The following MBTD1 variants were observed in gnomAD, a reference collection of about 807,000 sequenced individuals.
The protein encoded by MBTD1 is mbt domain containing 1, also known as MBT domain-containing protein 1.
A neutral mutation model predicts 87.8 loss-of-function variants in MBTD1; 24 were observed. The ratio of observed to expected loss-of-function variants is 0.27; its 90% CI spans 0.20 to 0.38. The LOEUF (loss-of-function observed/expected upper bound fraction) is 0.38. Ranked by LOEUF, MBTD1 falls within the 10% of genes least tolerant of loss-of-function variation. The pLI is 1.00. For missense variants in MBTD1, 436 were observed against 760.2 expected (o/e 0.57, Z 5.02); for synonymous variants, 237 against 248.6 (o/e 0.95, Z 0.44).
chr17:51,259,826 G>T lies in MBTD1; in HGVS notation c.-113+9C>A. On this transcript the variant is annotated intron_variant, in intron 1 of 16. Transcript: ENST00000586178. The stretch of plus-strand genomic sequence containing the variant: ...GGCACACAAAGCGGCTGCCGCGCTC[G>T]GCTCTCACCAGATCCTTTGTGTTTT... 8.1e-7 allele frequency: 1 copy of T among 1,232,262 alleles called. No homozygotes were observed. 76.3% of individuals were successfully genotyped at this position (1,232,262 alleles called of 1,614,324 possible). A position where few individuals can be genotyped will look rare whatever the true frequency, so the allele number is the denominator to read the frequency against.
chr17:51,204,407 T>C (rs2051684008), intron 7 of MBTD1, among the ~76,000 whole-genome samples: 1 of 138,504 alleles, frequency 7.2e-6, no homozygotes, highest in African/African-American at 2.7e-5. Context: ...TAGGCATATA[T>C]ATGTAATTAT....
intron 16 of MBTD1, among the ~76,000 whole-genome samples, chr17:51,182,635 T>C (rs902175347): frequency 2.0e-5 from 3 of 152,142 alleles, no homozygotes; most frequent in African/African-American, 7.2e-5. Flanking sequence ...ACTGCCCAGG[T>C]TGCCCACAAT....
At chr17:51,230,578 G>A (rs532625128) in intron 2 of MBTD1, among the ~76,000 whole-genome samples, 90 of 152,288 alleles carry the variant, frequency 5.9e-4, no homozygotes, top group African/African-American at 2.0e-3. Context: ...AACAATCTCA[G>A]TGAGGTAAGA....
At chr17:51,197,520 CT>C (rs548902033) in intron 12 of MBTD1, among the ~76,000 whole-genome samples, 437 of 138,914 alleles carry the variant, frequency 3.1e-3, no homozygotes, top group Middle Eastern at 3.8e-3. Flanking sequence ...TTTTTCTTTT[CT>C]TTTTTTTTTT....
At chr17:51,187,858 GAA>G (rs1236389302) in intron 16 of MBTD1, among the ~76,000 whole-genome samples, 5 of 74,498 alleles carry the variant, frequency 6.7e-5, no homozygotes, top group African/African-American at 2.5e-4. Context: ...CAAAAAGAAA[GAA>G]AGAAAGAAAA....
rs57226972 is a variant in MBTD1 at position 51,181,021 on chromosome 17, C to CT, written c.1769-328dup. Among the ~76,000 whole-genome samples the CT allele has an allele frequency of 5.5e-3, 675 of 122,722 alleles. 5 individuals carry two copies. The highest frequency in any genetic ancestry group is 0.013 in the African/African-American group (421 of 31,948). The allele number at this position is 122,722 out of a possible 152,430, so 80.5% of individuals were successfully genotyped here. ...TTCTTTCATGGTTCTGAAGTACAATCTTTTTTTTTTTTTTTTTTTGAGATG... is the reference window on the plus strand; with the variant it reads ...TTCTTTCATGGTTCTGAAGTACAATCTTTTTTTTTTTTTTTTTTTTGAGATG... On this transcript the variant is annotated intron_variant, in intron 16 of 16. Coordinates refer to ENST00000586178, the MANE Select transcript of MBTD1 (RefSeq NM_017643.3).
At chr17:51,223,488 A>T (rs2053033906) in intron 3 of MBTD1, among the ~76,000 whole-genome samples, 1 of 151,972 alleles carries the variant, frequency 6.6e-6, no homozygotes, top group Non-Finnish European at 1.5e-5. Context: ...GTGAGTCGAG[A>T]TCTTGCCGCT....
chr17:51,190,750 A>AATAT (rs1555677186), intron 16 of MBTD1, among the ~76,000 whole-genome samples: 2,428 of 39,514 alleles, frequency 0.061, 171 homozygotes, highest in African/African-American at 0.11. Context: ...AAAAAAAAAA[A>AATAT]ATATATATAT....
intron 2 of MBTD1, among the ~76,000 whole-genome samples, chr17:51,227,571 C>T (rs746706642): frequency 6.6e-6 from 1 of 151,646 alleles, no homozygotes; most frequent in Non-Finnish European, 1.5e-5. Flanking sequence ...AAACTCAAAA[C>T]CAAGAACCAC....
At chr17:51,194,894 G>C (rs1227507261) in intron 13 of MBTD1, among the ~76,000 whole-genome samples, 1 of 151,772 alleles carries the variant, frequency 6.6e-6, no homozygotes, top group African/African-American at 2.4e-5. Flanking sequence ...TGTCTTTATT[G>C]GGAAAAAAAG....
At chr17:51,192,175 T>C (rs900406744) in intron 16 of MBTD1, 28 bp downstream of exon 16, 22 of 1,465,560 alleles carry the variant, frequency 1.5e-5, no homozygotes, top group Middle Eastern at 3.5e-4. Flanking sequence ...AATTAGAAAA[T>C]GTATGTGAAC....
chr17:51,180,681 C>T lies in MBTD1; in HGVS notation c.1782G>A (p.Gln594=). ...YKGHKKMTTL[Q]LKEELLDGED... is the part of the protein sequence containing the mutation. ...CTCCATCCAGCAACTCCTCCTTCAG[C>T]TGCAGTGTTGTCACTGAATGAAAGA... Residue 594 remains glutamine (Q), a synonymous_variant, in exon 17 of 17, where the codon CAG becomes CAA. Coordinates refer to ENST00000586178, the MANE Select transcript of MBTD1 (RefSeq NM_017643.3). The T allele has an allele frequency of 1.3e-6, 2 of 1,537,244 alleles. No individual in the cohort carries two copies. The highest frequency in any genetic ancestry group is 1.8e-6 in the Non-Finnish European group (2 of 1,133,870).
intron 12 of MBTD1, among the ~76,000 whole-genome samples, chr17:51,198,279 C>T (rs1329710525): frequency 6.6e-6 from 1 of 152,206 alleles, no homozygotes; most frequent in Non-Finnish European, 1.5e-5. Context: ...AACTTTCCTT[C>T]AGTCCAACCT....
intron 2 of MBTD1, among the ~76,000 whole-genome samples, chr17:51,234,400 C>CAAAAAAA (rs71149356): frequency 5.8e-5 from 4 of 68,672 alleles, no homozygotes; most frequent in Non-Finnish European, 8.2e-5. Flanking sequence ...TCCCCGTCTC[C>CAAAAAAA]AAAAAAAAAA....
At chr17:51,237,069 G>A (rs2053883101) in intron 2 of MBTD1, among the ~76,000 whole-genome samples, 1 of 152,074 alleles carries the variant, frequency 6.6e-6, no homozygotes, top group Admixed American at 6.5e-5. Context: ...GGCCGAGGCG[G>A]GCGGATCACC....
chr17:51,250,445 CCT>C (rs1448389827), intron 2 of MBTD1: 18 of 152,062 alleles, frequency 1.2e-4, no homozygotes, highest in Non-Finnish European at 2.2e-4. Context: ...TACAGTATTC[CCT>C]GAGTTCCTGC....
Position 51,211,321 on chromosome 17 carries a change from G to A in MBTD1, c.487-4316C>T, listed in dbSNP as rs146766152. Among the ~76,000 whole-genome samples, 760 of 151,698 alleles carry A rather than the reference G, an allele frequency of 5.0e-3. 6 individuals are homozygous for A. Among genetic ancestry groups the A allele is most frequent in the African/African-American group, 0.017 (713 of 41,346 alleles). ...AGCCTGGACAACATGGCGAAACCCC[G>A]TCTTTACTAAAAATAGAAAAAAATT... On this transcript the variant is annotated intron_variant, in intron 6 of 16. Coordinates refer to ENST00000586178, the MANE Select transcript of MBTD1 (RefSeq NM_017643.3).
intron 2 of MBTD1, among the ~76,000 whole-genome samples, chr17:51,234,322 G>C (rs1410830652): frequency 6.9e-6 from 1 of 145,878 alleles, no homozygotes; most frequent in Non-Finnish European, 1.5e-5. Context: ...GAACCCGGGA[G>C]ACAGAGGTTG....
At chr17:51,260,569 C>T (rs766145018), upstream of MBTD1, 1 of 1,604,362 alleles carries the variant, frequency 6.2e-7, no homozygotes, top group South Asian at 1.1e-5. Flanking sequence ...GCCTGCGTTT[C>T]TCCTCAAACC....
Sources: allele counts gnomAD v4.1 joint callset (sites outside exome capture counted in the v4.1 genomes callset), GRCh38; gene constraint gnomAD v4.1.1; transcripts MANE v1.5; gene names NCBI Gene and HGNC (gene_info 2026-07-23, HGNC 2026-07-21).